HTR1F: variants seen among roughly 807,000 people sequenced by gnomAD.
HTR1F encodes 5-hydroxytryptamine receptor 1F, also known as 5-hydroxytryptamine (serotonin) receptor 1F, G protein-coupled.
In HTR1F, 17 loss-of-function variants were observed where a neutral mutation model predicts 24.0. The ratio of observed to expected loss-of-function variants is 0.71; its 90% CI spans 0.48 to 1.06. The LOEUF (loss-of-function observed/expected upper bound fraction) is 1.06. HTR1F is among the 50% of genes least tolerant of loss of function. The pLI, the probability that HTR1F is intolerant of heterozygous loss-of-function variation, is 0.00. For synonymous variants in HTR1F, 186 were observed against 156.8 expected, an observed-to-expected ratio of 1.19 and a Z score of -1.39; for missense variants, 391 against 427.8, an observed-to-expected ratio of 0.91 and a Z score of 0.76.
chr3:87,852,903 C>T (rs1351408140), intron 2 of HTR1F, among the ~76,000 whole-genome samples: 5 of 150,780 alleles, frequency 3.3e-5, no homozygotes, highest in East Asian at 1.9e-4. Flanking sequence ...CATATTTTTA[C>T]GTCCTTCAAT....
At chr3:87,841,161 A>G (rs1051480304) in intron 2 of HTR1F, among the ~76,000 whole-genome samples, 3 of 151,960 alleles carry the variant, frequency 2.0e-5, no homozygotes, top group Non-Finnish European at 2.9e-5. Context: ...TCATACACTC[A>G]TAGCAAAACA....
At chr3:87,832,316 C>CTTTTTTTTTTTTTTTT (rs60414125) in intron 2 of HTR1F, among the ~76,000 whole-genome samples, 3 of 125,522 alleles carry the variant, frequency 2.4e-5, no homozygotes, top group Non-Finnish European at 3.3e-5. Flanking sequence ...AATATCCCTT[C>CTTTTTTTTTTTTTTTT]TTTTTTTTTT....
chr3:87,897,363 A>G (rs1272822253), intron 2 of HTR1F, among the ~76,000 whole-genome samples: 1 of 151,868 alleles, frequency 6.6e-6, no homozygotes, highest in Non-Finnish European at 1.5e-5. Context: ...AAAATATTGC[A>G]TGATCTCATT....
chr3:87,937,109 A>C, intron 2 of HTR1F, among the ~76,000 whole-genome samples: 1 of 147,960 alleles, frequency 6.8e-6, no homozygotes. Context: ...AAGAGGACGG[A>C]CTCCTCCCCA....
chr3:87,964,858 G>A (rs954206480), intron 2 of HTR1F, among the ~76,000 whole-genome samples: 5 of 152,112 alleles, frequency 3.3e-5, no homozygotes, highest in Non-Finnish European at 7.4e-5. Context: ...CAGGTGTCAC[G>A]GGAGGGGCTT....
At chr3:87,880,277 A>G (rs1441513809) in intron 2 of HTR1F, among the ~76,000 whole-genome samples, 1 of 152,170 alleles carries the variant, frequency 6.6e-6, no homozygotes, top group Admixed American at 6.5e-5. Context: ...ATGTCTTTTA[A>G]AAGTATCAAA....
intron 2 of HTR1F, among the ~76,000 whole-genome samples, chr3:87,869,422 T>C (rs1219295434): frequency 1.4e-5 from 2 of 140,706 alleles, no homozygotes; most frequent in Non-Finnish European, 3.1e-5. Context: ...GATAGATAGA[T>C]AGATAGATAG....
At chr3:87,816,698 C>T (rs1290523080) in intron 1 of HTR1F, among the ~76,000 whole-genome samples, 3 of 151,996 alleles carry the variant, frequency 2.0e-5, no homozygotes, top group South Asian at 2.1e-4. Context: ...TAAAAAATAT[C>T]TCCCCCACCT....
intron 2 of HTR1F, among the ~76,000 whole-genome samples, chr3:87,856,819 T>C (rs1705208565): frequency 1.3e-5 from 2 of 152,160 alleles, no homozygotes; most frequent in Non-Finnish European, 2.9e-5. Flanking sequence ...TCCATACCTC[T>C]AAGAATGAAA....
At chr3:87,812,948 T>C (rs1704185506) in intron 1 of HTR1F, among the ~76,000 whole-genome samples, 1 of 152,224 alleles carries the variant, frequency 6.6e-6, no homozygotes, top group Admixed American at 6.5e-5. Context: ...TCCACCTATA[T>C]TTCAGAGGAT....
intron 2 of HTR1F, among the ~76,000 whole-genome samples, chr3:87,914,135 C>G (rs1432612407): frequency 6.6e-6 from 1 of 152,080 alleles, no homozygotes; most frequent in Non-Finnish European, 1.5e-5. Context: ...TTACCTGGAG[C>G]TGAGTCAATT....
intron 2 of HTR1F, among the ~76,000 whole-genome samples, chr3:87,850,814 A>T (rs1270532104): frequency 6.6e-6 from 1 of 151,196 alleles, no homozygotes; most frequent in Non-Finnish European, 1.5e-5. Context: ...TAGGAACAAC[A>T]ACAAAAAAAA....
chr3:87,843,963 T>C (rs1326480959), intron 2 of HTR1F, among the ~76,000 whole-genome samples: 1 of 151,352 alleles, frequency 6.6e-6, no homozygotes, highest in Non-Finnish European at 1.5e-5. Flanking sequence ...GTCTTTGCTA[T>C]TGTGAATAAT....
At chr3:87,840,887 C>G (rs562406357) in intron 2 of HTR1F, among the ~76,000 whole-genome samples, 1 of 149,556 alleles carries the variant, frequency 6.7e-6, no homozygotes, top group Non-Finnish European at 1.5e-5. Flanking sequence ...ACATTGAACT[C>G]ATAGAAGTAG....
At chr3:87,811,300 C>T (rs1211254846) in intron 1 of HTR1F, among the ~76,000 whole-genome samples, 1 of 150,352 alleles carries the variant, frequency 6.7e-6, no homozygotes, top group African/African-American at 2.4e-5. Flanking sequence ...AGCCTTCCTA[C>T]AGACAAACAC....
chr3:87,943,177 G>A (rs748412969), intron 2 of HTR1F, among the ~76,000 whole-genome samples: 13 of 152,108 alleles, frequency 8.5e-5, no homozygotes, highest in African/African-American at 1.9e-4. Flanking sequence ...GTGGGGAATC[G>A]TTCTCTTTCT....
chr3:87,802,070 C>T, intron 1 of HTR1F, among the ~76,000 whole-genome samples: 1 of 74,548 alleles, frequency 1.3e-5, no homozygotes, highest in Admixed American at 1.8e-4. Context: ...TTCTTTCTTT[C>T]CCTCCCTCCT....
chr3:87,931,462 G>T (rs1236837614), intron 2 of HTR1F, among the ~76,000 whole-genome samples: 2 of 152,056 alleles, frequency 1.3e-5, no homozygotes, highest in Non-Finnish European at 2.9e-5. Flanking sequence ...TGGACATTTG[G>T]GTTGGTTCCA....
intron 2 of HTR1F, among the ~76,000 whole-genome samples, chr3:87,882,357 G>A (rs1322711546): frequency 6.6e-6 from 1 of 152,198 alleles, no homozygotes; most frequent in East Asian, 1.9e-4. Flanking sequence ...CCATTACTGG[G>A]TATATACCCA....
Sources: gnomAD v4.1 joint callset for allele counts (sites outside exome capture counted in the v4.1 genomes callset) on GRCh38, gnomAD v4.1.1 for gene constraint, MANE v1.5 for transcripts, NCBI Gene and HGNC (gene_info 2026-07-23, HGNC 2026-07-21) for gene names.